EDIL3: variants seen among roughly 807,000 people sequenced by gnomAD.
EDIL3 encodes the protein EGF like and discoidin domains 3.
In EDIL3, 37 loss-of-function variants were observed where a neutral mutation model predicts 67.4. That is an observed-to-expected ratio of 0.55 (90% confidence interval 0.42 to 0.72). The LOEUF is 0.72. Ranked by LOEUF, EDIL3 falls within the 30% of genes least tolerant of loss-of-function variation. EDIL3 has a pLI of 0.00. For synonymous variants in EDIL3, 195 were observed against 196.3 expected (o/e 0.99, Z 0.05); for missense variants, 527 against 586.3 (o/e 0.90, Z 1.04).
intron 4 of EDIL3, among the ~76,000 whole-genome samples, chr5:84,165,749 C>T (rs1229703660): frequency 1.3e-5 from 2 of 152,104 alleles, no homozygotes; most frequent in African/African-American, 4.8e-5. Context: ...CAAAGGATGG[C>T]ACCACGTGCA....
intron 1 of EDIL3, among the ~76,000 whole-genome samples, chr5:84,318,710 G>A (rs1206987828): frequency 3.9e-5 from 6 of 152,096 alleles, no homozygotes; most frequent in Non-Finnish European, 7.4e-5. Context: ...AACCCTAGAA[G>A]AAAACCTAGT....
intron 5 of EDIL3, among the ~76,000 whole-genome samples, chr5:84,109,243 T>C (rs192896615): frequency 6.6e-6 from 1 of 152,184 alleles, no homozygotes; most frequent in Non-Finnish European, 1.5e-5. Flanking sequence ...CAGTGGCTCA[T>C]GTCTGTAATC....
intron 5 of EDIL3, among the ~76,000 whole-genome samples, chr5:84,128,450 G>A (rs1344328653): frequency 2.7e-5 from 4 of 150,360 alleles, no homozygotes; most frequent in African/African-American, 7.4e-5. Flanking sequence ...ACCCAAGAAC[G>A]CCACATTAAC....
chr5:84,054,474 G>C (rs1266875428), intron 9 of EDIL3, among the ~76,000 whole-genome samples: 2 of 152,168 alleles, frequency 1.3e-5, no homozygotes, highest in East Asian at 1.9e-4. Context: ...TCAGGCAGGA[G>C]AAAGAAATAA....
chr5:84,271,519 G>C (rs1745473045), intron 1 of EDIL3, among the ~76,000 whole-genome samples: 1 of 151,976 alleles, frequency 6.6e-6, no homozygotes, highest in African/African-American at 2.4e-5. Context: ...GATGTTCACA[G>C]GATCCCTTAT....
intron 5 of EDIL3, among the ~76,000 whole-genome samples, chr5:84,133,475 A>AC (rs1748032830): frequency 6.7e-6 from 1 of 150,118 alleles, no homozygotes; most frequent in African/African-American, 2.4e-5. Context: ...AAAAAAAAAA[A>AC]AAAAAAAAAA....
intron 1 of EDIL3, among the ~76,000 whole-genome samples, chr5:84,341,607 A>G (rs1396104625): frequency 6.6e-6 from 1 of 152,092 alleles, no homozygotes; most frequent in Non-Finnish European, 1.5e-5. Flanking sequence ...GGATTTTCAT[A>G]CAATCATCTC....
intron 9 of EDIL3, chr5:84,047,901 C>G (rs993707548): frequency 1.3e-5 from 2 of 151,978 alleles, no homozygotes; most frequent in Non-Finnish European, 2.9e-5. Flanking sequence ...GTTCTTTTTT[C>G]TAATTGGATA....
At chr5:84,141,517 T>C (rs1010994650) in intron 4 of EDIL3, among the ~76,000 whole-genome samples, 2 of 147,220 alleles carry the variant, frequency 1.4e-5, no homozygotes, top group African/African-American at 4.9e-5. Flanking sequence ...ATATATTACA[T>C]ATATGCGATA....
At chr5:84,085,225 G>C (rs4999643) in intron 6 of EDIL3, among the ~76,000 whole-genome samples, 36,479 of 152,068 alleles carry the variant, frequency 0.24, 4,560 homozygotes, top group Middle Eastern at 0.31. Context: ...CCTTGCTGGA[G>C]AGTTGTTGTG....
chr5:84,349,459 C>T (rs916431666), intron 1 of EDIL3, among the ~76,000 whole-genome samples: 4 of 152,106 alleles, frequency 2.6e-5, no homozygotes, highest in East Asian at 3.8e-4. Context: ...AAGTAGGACA[C>T]GATTCATTAT....
intron 6 of EDIL3, among the ~76,000 whole-genome samples, chr5:84,092,556 T>C (rs533744847): frequency 6.6e-6 from 1 of 152,290 alleles, no homozygotes; most frequent in East Asian, 1.9e-4. Flanking sequence ...TGAGAAACAG[T>C]AATAAAAATA....
chr5:84,193,670 A>T (rs13354843), intron 3 of EDIL3, among the ~76,000 whole-genome samples: 1 of 151,918 alleles, frequency 6.6e-6, no homozygotes, highest in Admixed American at 6.6e-5. Flanking sequence ...CAACATACAG[A>T]GAGGCAGGAA....
chr5:84,050,087 A>G (rs948821178), intron 9 of EDIL3, among the ~76,000 whole-genome samples: 3 of 151,454 alleles, frequency 2.0e-5, no homozygotes, highest in Non-Finnish European at 2.9e-5. Context: ...AGTCCCAGCT[A>G]CATGGGAGGC....
At chr5:84,268,020 C>T (rs1293275168) in intron 1 of EDIL3, among the ~76,000 whole-genome samples, 1 of 152,088 alleles carries the variant, frequency 6.6e-6, no homozygotes, top group Admixed American at 6.5e-5. Flanking sequence ...GCCTGTAGTC[C>T]CAGCTACTCG....
At chr5:83,979,747 C>G (rs550326499) in intron 9 of EDIL3, among the ~76,000 whole-genome samples, 3 of 152,192 alleles carry the variant, frequency 2.0e-5, no homozygotes, top group African/African-American at 7.2e-5. Flanking sequence ...TCTGACACAG[C>G]CACCAACTGT....
intron 6 of EDIL3, among the ~76,000 whole-genome samples, chr5:84,096,153 G>A (rs966002365): frequency 3.9e-5 from 6 of 152,170 alleles, no homozygotes; most frequent in African/African-American, 1.2e-4. Context: ...GAAACGGGGG[G>A]TAAGAGCCCC....
chr5:84,144,590 G>C (rs767900672), intron 4 of EDIL3, among the ~76,000 whole-genome samples: 1 of 152,010 alleles, frequency 6.6e-6, no homozygotes, highest in Non-Finnish European at 1.5e-5. Context: ...ATTACATGGA[G>C]TTATAAATAG....
At position 84,113,824 on chromosome 5, in the gene EDIL3, A is replaced by C. The variant is rs188691367; in HGVS notation, c.470-6994T>G. ...TCAAATTAAAACCATGTAAGAAACA[A>C]ATCTCCTTTAAACATCTCCAGTCCT... On this transcript the variant is annotated intron_variant, in intron 5 of 10. Transcript: ENST00000296591. Among the ~76,000 whole-genome samples, 184 of 152,276 alleles carry C rather than the reference A, an allele frequency of 1.2e-3. 1 individual carries two copies. The highest frequency in any genetic ancestry group is 4.4e-3 in the African/African-American group (181 of 41,564).
Sources: allele counts gnomAD v4.1 joint callset (sites outside exome capture counted in the v4.1 genomes callset), GRCh38; gene constraint gnomAD v4.1.1; transcripts MANE v1.5; gene names NCBI Gene and HGNC (gene_info 2026-07-23, HGNC 2026-07-21).